USP47: variants seen among roughly 807,000 people sequenced by gnomAD.
USP47 encodes the protein ubiquitin specific peptidase 47, also known as ubiquitin carboxyl-terminal hydrolase 47.
USP47 carries 35 observed loss-of-function variants against 165.1 expected under a neutral mutation model. That is an observed-to-expected ratio of 0.21 (90% confidence interval 0.16 to 0.28). The LOEUF (loss-of-function observed/expected upper bound fraction) is 0.28, where lower values mean the gene tolerates loss of function less well. Among genes scored for constraint, USP47 ranks in the 10% least tolerant of loss-of-function variants. USP47 has a pLI of 1.00. For missense variants in USP47, 1,277 were observed against 1,607.4 expected (o/e 0.79, Z 3.52); for synonymous variants, 531 against 544.5 (o/e 0.98, Z 0.35).
chr11:11,896,356 C>G (rs1851846802), intron 4 of USP47, among the ~76,000 whole-genome samples: 1 of 152,044 alleles, frequency 6.6e-6, no homozygotes, highest in South Asian at 2.1e-4. Context: ...TTGTAAGGCT[C>G]CAAGTAGATT....
At chr11:11,894,073 G>A (rs983395164) in intron 4 of USP47, among the ~76,000 whole-genome samples, 3 of 152,102 alleles carry the variant, frequency 2.0e-5, no homozygotes, top group Non-Finnish European at 4.4e-5. Context: ...GATAATAGGA[G>A]GTAATTAAAC....
At chr11:11,895,677 A>T (rs1317571646) in intron 4 of USP47, among the ~76,000 whole-genome samples, 6 of 152,170 alleles carry the variant, frequency 3.9e-5, no homozygotes, top group Non-Finnish European at 8.8e-5. Flanking sequence ...GGGAGAAATA[A>T]GGAGTAGATT....
intron 1 of USP47, among the ~76,000 whole-genome samples, chr11:11,863,323 A>T (rs923240615): frequency 2.0e-5 from 3 of 152,162 alleles, no homozygotes; most frequent in African/African-American, 7.2e-5. Flanking sequence ...AAACTTAGAA[A>T]CTGAAAAAAG....
chr11:11,942,310 A>AATAAAACT, intron 19 of USP47, 25 bp from the exon 20 acceptor site: 1 of 1,540,768 alleles, frequency 6.5e-7, no homozygotes, highest in Non-Finnish European at 8.7e-7. Context: ...ATTAATATAT[A>AATAAAACT]ATAAAACTCT....
chr11:11,954,669 C>T (rs1564897638), intron 25 of USP47, among the ~76,000 whole-genome samples: 3 of 152,062 alleles, frequency 2.0e-5, no homozygotes, highest in Non-Finnish European at 2.9e-5. Flanking sequence ...GTTTTAGAAA[C>T]GTGGGTGTAG....
At chr11:11,843,276 G>A (rs1214799950) in intron 1 of USP47, among the ~76,000 whole-genome samples, 1 of 152,184 alleles carries the variant, frequency 6.6e-6, no homozygotes, top group Non-Finnish European at 1.5e-5. Context: ...TGATATTATT[G>A]GAGTTATGTA....
chr11:11,844,355 G>A (rs1590210607), intron 1 of USP47, among the ~76,000 whole-genome samples: 1 of 152,082 alleles, frequency 6.6e-6, no homozygotes, highest in East Asian at 1.9e-4. Context: ...TGGCACTTTT[G>A]TGTGATCCTT....
intron 18 of USP47, among the ~76,000 whole-genome samples, chr11:11,938,926 C>T (rs893521360): frequency 1.3e-5 from 2 of 151,726 alleles, no homozygotes; most frequent in African/African-American, 2.4e-5. Flanking sequence ...GCAGATGCAC[C>T]GATGACCTGA....
intron 17 of USP47, 24 bp downstream of exon 17, chr11:11,936,534 A>T: frequency 2.0e-6 from 3 of 1,527,596 alleles, no homozygotes; most frequent in South Asian, 2.6e-5. Flanking sequence ...CACTATTTTT[A>T]GTTGTTCTGT....
intron 3 of USP47, 157 bp downstream of exon 3, chr11:11,884,737 T>A: frequency 1.8e-6 from 1 of 558,578 alleles, no homozygotes; most frequent in East Asian, 3.1e-5. Context: ...GTGTGTAGAA[T>A]AACATAGTTA....
intron 25 of USP47, among the ~76,000 whole-genome samples, chr11:11,953,764 C>T (rs1050641908): frequency 1.3e-5 from 2 of 152,060 alleles, no homozygotes; most frequent in Admixed American, 6.5e-5. Context: ...TAAAGAATAA[C>T]GTTATTTTTC....
In USP47 at chr11:11,854,563, T is replaced by C. The variant is rs1848918144; in HGVS notation, c.39+12339T>C. ...TCATTTCTATCATTACCTTCATTTCTATATCCTCCCCCAGGGGCCATCACA... is the reference window on the plus strand; with the variant it reads ...TCATTTCTATCATTACCTTCATTTCCATATCCTCCCCCAGGGGCCATCACA... On this transcript the variant is annotated intron_variant, in intron 1 of 27. Transcript: ENST00000527733. Among the ~76,000 whole-genome samples the C allele has an allele frequency of 1.4e-5, 2 of 147,596 alleles. 1 individual carries two copies. Among genetic ancestry groups the C allele is most frequent in the Non-Finnish European group, 3.0e-5 (2 of 65,814 alleles).
chr11:11,861,082 CTTTAT>C (rs1554902449), intron 1 of USP47, among the ~76,000 whole-genome samples: 1 of 151,954 alleles, frequency 6.6e-6, no homozygotes, highest in Non-Finnish European at 1.5e-5. Context: ...GTCCATCCAA[CTTTAT>C]TTTATTTTAT....
rs771100047 is a variant in USP47 at position 11,943,037 on chromosome 11, A to C, written c.3016A>C (p.Arg1006=). ...DSEYDESGKS[R]GEMQYMYFKA... is the part of the protein sequence containing the mutation. The stretch of plus-strand genomic sequence containing the variant: ...TGAATATGATGAGAGTGGCAAGAGT[A>C]GGGGAGAAATGCAGTACATGTATTT... The change falls in exon 20 of 28, where the codon AGG becomes CGG. Residue 1006 remains arginine (R), a synonymous_variant. Coordinates refer to ENST00000527733, the MANE Select transcript of USP47 (RefSeq NM_001282659.2). 1.2e-6 allele frequency: 2 copies of C among 1,613,422 alleles called. No homozygotes were observed. Among genetic ancestry groups the C allele is most frequent in the Admixed American group, 3.3e-5 (2 of 59,938 alleles).
chr11:11,842,182 A>C lies in USP47; in HGVS notation c.-4A>C. On this transcript the variant is annotated 5_prime_UTR_variant, in exon 1 of 28. Transcript: ENST00000527733. The stretch of plus-strand genomic sequence containing the variant: ...AGGGCGGAGAGGAGCGGCCGGAGTC[A>C]GCGATGGTGCCCGGCGAGGAGAACC... The C allele has an allele frequency of 1.9e-6, 3 of 1,553,364 alleles. No homozygotes were observed. Among genetic ancestry groups the C allele is most frequent in the Non-Finnish European group, 2.6e-6 (3 of 1,147,538 alleles).
intron 20 of USP47, chr11:11,943,954 C>T (rs1316546194): frequency 6.6e-6 from 1 of 151,608 alleles, no homozygotes; most frequent in African/African-American, 2.4e-5. Context: ...TAAAGCTTCT[C>T]CAAACTTTGT....
At chr11:11,952,625 C>T in intron 24 of USP47, 116 bp from the exon 25 acceptor site, 1 of 1,236,476 alleles carries the variant, frequency 8.1e-7, no homozygotes, top group Non-Finnish European at 1.1e-6. Context: ...CTTGTGCCCA[C>T]TTTTTAAGAG....
chr11:11,948,190 C>T, intron 21 of USP47, 70 bp downstream of exon 21: 1 of 1,487,098 alleles, frequency 6.7e-7, no homozygotes, highest in Non-Finnish European at 9.0e-7. Context: ...GCTTTTACTA[C>T]TTCCAAGTGA....
intron 3 of USP47, among the ~76,000 whole-genome samples, chr11:11,888,392 C>G (rs1256495035): frequency 6.6e-6 from 1 of 152,050 alleles, no homozygotes; most frequent in African/African-American, 2.4e-5. Context: ...ACCACTGACC[C>G]CACAGAAATA....
Sources: gnomAD v4.1 joint callset for allele counts (sites outside exome capture counted in the v4.1 genomes callset) on GRCh38, gnomAD v4.1.1 for gene constraint, MANE v1.5 for transcripts, NCBI Gene and HGNC (gene_info 2026-07-23, HGNC 2026-07-21) for gene names.